Variants in GLB1L2 observed in about 807,000 individuals in gnomAD.
GLB1L2 encodes beta-galactosidase-1-like protein 2.
In GLB1L2, 68 loss-of-function variants were observed where a neutral mutation model predicts 84.1. The ratio of observed to expected loss-of-function variants is 0.81; its 90% CI spans 0.67 to 0.99. GLB1L2 has a LOEUF of 0.99. Among genes scored for constraint, GLB1L2 ranks in the 50% least tolerant of loss-of-function variants. The pLI, the probability that GLB1L2 is intolerant of heterozygous loss-of-function variation, is 0.00. For missense variants in GLB1L2, 762 were observed against 805.6 expected (o/e 0.95, Z 0.66); for synonymous variants, 290 against 318.0 (o/e 0.91, Z 0.94).
intron 6 of GLB1L2, among the ~76,000 whole-genome samples, chr11:134,358,386 T>C (rs932382515): frequency 1.3e-5 from 2 of 152,258 alleles, no homozygotes; most frequent in Admixed American, 6.5e-5. Flanking sequence ...AGTCTGTGTA[T>C]GAGCGGAGGG....
At position 134,371,097 on chromosome 11, in the gene GLB1L2, C is replaced by G; in HGVS notation, c.1305C>G (p.Thr435=). The change falls in exon 13 of 19, where the codon ACC becomes ACG. Residue 435 remains threonine (T), a synonymous_variant. Coordinates refer to ENST00000535456, the MANE Select transcript of GLB1L2 (RefSeq NM_001370461.1). ...CCTTCGGGTACATTCTCTATGAGAC[C>G]AGCATCACCTCGTCTGGCATCCTCA... ...GQSFGYILYE[T]SITSSGILSG... 1.2e-6 allele frequency: 2 copies of G among 1,614,176 alleles called. No individual in the cohort carries two copies. The highest frequency in any genetic ancestry group is 1.7e-6 in the Non-Finnish European group (2 of 1,180,022).
At chr11:134,373,595 C>T in intron 15 of GLB1L2, 126 bp from the exon 16 acceptor site, 6 of 675,340 alleles carry the variant, frequency 8.9e-6, no homozygotes, top group East Asian at 2.5e-5. Context: ...CTCACCCCAG[C>T]TTCTCAGGGA....
chr11:134,363,681 C>T (rs530913610), intron 7 of GLB1L2, among the ~76,000 whole-genome samples: 1 of 152,116 alleles, frequency 6.6e-6, no homozygotes, highest in East Asian at 1.9e-4. Context: ...TACCTTGGAC[C>T]GGATGCTTGG....
chr11:134,346,528 G>A (rs867688518), intron 4 of GLB1L2: 1 of 152,380 alleles, frequency 6.6e-6, no homozygotes, highest in Admixed American at 6.5e-5. Flanking sequence ...CCTGTCAGGT[G>A]GGGTTAGAAT....
Position 134,373,788 on chromosome 11 carries a change from G to GA in GLB1L2, c.1577dup (p.Lys527GlufsTer28), listed in dbSNP as rs751146127. ...ACTTCAGAATCTATAGCCTGGATATGAAGAAGAGCTTCTTTCAGAGGTGGG... is the reference window on the plus strand; with the variant it reads ...ACTTCAGAATCTATAGCCTGGATATGAAAGAAGAGCTTCTTTCAGAGGTGGG... On this transcript the variant is annotated frameshift_variant, in exon 16 of 19. Transcript: ENST00000535456. LOFTEE classifies it high-confidence loss of function. The GA allele has an allele frequency of 6.2e-7, 1 of 1,610,410 alleles. No individual in the cohort carries two copies. The highest frequency in any genetic ancestry group is 8.5e-7 in the Non-Finnish European group (1 of 1,176,682).
At chr11:134,355,487 C>T (rs1943688475) in intron 5 of GLB1L2, among the ~76,000 whole-genome samples, 1 of 152,134 alleles carries the variant, frequency 6.6e-6, no homozygotes, top group African/African-American at 2.4e-5. Flanking sequence ...ATTAGTGGGC[C>T]CCTAAGCCCG....
At chr11:134,373,594 G>A in intron 15 of GLB1L2, 127 bp from the exon 16 acceptor site, 2 of 674,142 alleles carry the variant, frequency 3.0e-6, no homozygotes, top group Non-Finnish European at 5.3e-6. Context: ...CCTCACCCCA[G>A]CTTCTCAGGG....
intron 7 of GLB1L2, chr11:134,361,150 C>T (rs1943781396): frequency 6.8e-6 from 1 of 146,708 alleles, no homozygotes; most frequent in African/African-American, 2.6e-5. Context: ...GACTCCGTCT[C>T]AAAAAAAAAA....
Position 134,347,179 on chromosome 11 carries a change from C to A in GLB1L2, c.450-146C>A, listed in dbSNP as rs1943563124. On this transcript the variant is annotated intron_variant, in intron 4 of 18. Coordinates refer to ENST00000535456, the MANE Select transcript of GLB1L2 (RefSeq NM_001370461.1). ...CCCCAGAATCGGTTTGCATTGTCTC[C>A]CCACTTCTGGGCTCAGTGGGGTGGA... 7.2e-6 allele frequency: 5 copies of A among 693,708 alleles called. 1 individual carries two copies. The East Asian group carries it at 1.3e-4, about 17-fold the overall frequency. The allele number at this position is 693,708 out of a possible 1,614,324, so 43.0% of individuals were successfully genotyped here. A position where few individuals can be genotyped will look rare whatever the true frequency, so the allele number is the denominator to read the frequency against.
chr11:134,336,301 G>A (rs959213671), intron 1 of GLB1L2, among the ~76,000 whole-genome samples: 4 of 152,192 alleles, frequency 2.6e-5, no homozygotes, highest in Non-Finnish European at 5.9e-5. Context: ...GGGGAATAAA[G>A]TGAAAAGAAA....
chr11:134,361,002 A>C (rs941259398), intron 7 of GLB1L2: 1 of 151,986 alleles, frequency 6.6e-6, no homozygotes, highest in Non-Finnish European at 1.5e-5. Context: ...AAATACAAAA[A>C]ATTAGCCGGG....
chr11:134,371,597 C>G (rs1460062797), intron 14 of GLB1L2, 105 bp downstream of exon 14: 1 of 1,017,478 alleles, frequency 9.8e-7, no homozygotes, highest in Non-Finnish European at 1.6e-6. Context: ...TCCTTACCCA[C>G]AAGCTGTAGG....
intron 9 of GLB1L2, among the ~76,000 whole-genome samples, chr11:134,367,836 C>G (rs1943885557): frequency 6.6e-6 from 1 of 152,170 alleles, no homozygotes; most frequent in Non-Finnish European, 1.5e-5. Context: ...GTGAAGAGCC[C>G]CATTCTAAAC....
At chr11:134,347,118 G>A (rs562753886) in intron 4 of GLB1L2, 1 of 545,148 alleles carries the variant, frequency 1.8e-6, no homozygotes, top group Admixed American at 2.8e-5. Context: ...CTGTGTCCTT[G>A]GGGAGGGAAG....
intron 15 of GLB1L2, 150 bp downstream of exon 15, chr11:134,371,980 G>C: frequency 1.4e-6 from 1 of 699,914 alleles, no homozygotes; most frequent in South Asian, 1.8e-5. Flanking sequence ...AGTTCTGAGT[G>C]GGCCAGAGAA....
Position 134,359,089 on chromosome 11 carries a change from G to C in GLB1L2, c.681G>C (p.Leu227=), listed in dbSNP as rs1420868445. 1 of 1,604,230 alleles carries C rather than the reference G, an allele frequency of 6.2e-7. No homozygotes were observed. The highest frequency in any genetic ancestry group is 8.5e-7 in the Non-Finnish European group (1 of 1,175,214). ...KALEDRGIVE[L]LLTSDNKDGL... is the part of the protein sequence containing the mutation. ...TGGAGGACCGTGGCATTGTGGAACT[G>C]CTCCTGACTTCAGACAACAAGGATG... Residue 227 remains leucine, a synonymous_variant, in exon 7 of 19, where the codon CTG becomes CTC. Coordinates refer to ENST00000535456, the MANE Select transcript of GLB1L2 (RefSeq NM_001370461.1).
Position 134,347,447 on chromosome 11 carries a change from G to A in GLB1L2, c.558+14G>A, listed in dbSNP as rs770938315. Reference sequence around the variant, plus strand: ...GTGCCACTCCAGGTACAAGCAAATGGGGTCTTCTTTGATCTTGGTCTGTCT... The same window carrying A: ...GTGCCACTCCAGGTACAAGCAAATGAGGTCTTCTTTGATCTTGGTCTGTCT... On this transcript the variant is annotated intron_variant, in intron 5 of 18. Coordinates refer to ENST00000535456, the MANE Select transcript of GLB1L2 (RefSeq NM_001370461.1). 2.6e-5 allele frequency: 40 copies of A among 1,559,582 alleles called. No individual in the cohort carries two copies. Among genetic ancestry groups the A allele is most frequent in the Non-Finnish European group, 3.0e-5 (34 of 1,130,396 alleles).
chr11:134,343,076 C>A, intron 2 of GLB1L2, 125 bp downstream of exon 2: 1 of 923,656 alleles, frequency 1.1e-6, no homozygotes, highest in Non-Finnish European at 1.6e-6. Context: ...CAGGGTCTCC[C>A]TCCTCCTCCC....
rs781562369 is a variant in GLB1L2, at chr11:134,371,528, C to T, written c.1428+36C>T. The T allele has an allele frequency of 6.9e-6, 9 of 1,295,612 alleles. No individual in the cohort carries two copies. In the African/African-American group the frequency reaches 1.2e-4, roughly 17 times the overall value. The allele number at this position is 1,295,612 out of a possible 1,614,324, so 80.3% of individuals were successfully genotyped here. ...TTTGGGAGCTGGGTGATGGCTAGCC[C>T]CCGCTGCTTCGAGGAAGTCTGGGGG... On this transcript the variant is annotated intron_variant, in intron 14 of 18. Transcript: ENST00000535456.
Sources: allele counts gnomAD v4.1 joint callset (sites outside exome capture counted in the v4.1 genomes callset), GRCh38; gene constraint gnomAD v4.1.1; transcripts MANE v1.5; gene names NCBI Gene and HGNC (gene_info 2026-07-23, HGNC 2026-07-21).